The following ACTR3B variants were observed in gnomAD, a reference collection of about 807,000 sequenced individuals.
ACTR3B encodes the protein actin-related protein 3B.
ACTR3B carries 8 observed loss-of-function variants against 59.0 expected under a neutral mutation model. That is an observed-to-expected ratio of 0.14 (90% CI 0.08 to 0.24). ACTR3B has a LOEUF of 0.24. ACTR3B is among the 10% of genes least tolerant of loss of function. The pLI is 1.00. For missense variants in ACTR3B, 245 were observed against 552.3 expected (o/e 0.44, Z 5.58); for synonymous variants, 148 against 197.9 (o/e 0.75, Z 2.12).
chr7:152,829,044 G>GTGTATA (rs1554449533), intron 9 of ACTR3B, among the ~76,000 whole-genome samples: 25 of 143,912 alleles, frequency 1.7e-4, no homozygotes, highest in Non-Finnish European at 3.0e-4. Flanking sequence ...GTGTGTGTGT[G>GTGTATA]TATATATATA....
chr7:152,847,807 T>C (rs1444274438), intron 9 of ACTR3B, among the ~76,000 whole-genome samples: 1 of 152,140 alleles, frequency 6.6e-6, no homozygotes, highest in Non-Finnish European at 1.5e-5. Flanking sequence ...GAGGCCCAGC[T>C]TTTTCTGACA....
chr7:152,797,426 GT>G (rs1243549733), intron 2 of ACTR3B, among the ~76,000 whole-genome samples: 1 of 152,092 alleles, frequency 6.6e-6, no homozygotes, highest in African/African-American at 2.4e-5. Context: ...AACATTGTGT[GT>G]TTTTATCGTG....
At chr7:152,773,264 A>G (rs1020113630) in intron 1 of ACTR3B, among the ~76,000 whole-genome samples, 21 of 151,818 alleles carry the variant, frequency 1.4e-4, no homozygotes, top group African/African-American at 5.1e-4. Context: ...TTCATTCAGA[A>G]AGTAAAAGGT....
chr7:152,787,528 G>C (rs1228757650), intron 2 of ACTR3B, among the ~76,000 whole-genome samples: 1 of 151,528 alleles, frequency 6.6e-6, no homozygotes, highest in African/African-American at 2.4e-5. Flanking sequence ...AAGTCATAAA[G>C]ACTTTCTATA....
At chr7:152,852,285 G>A (rs756221022) in intron 10 of ACTR3B, 34 bp downstream of exon 10, 3 of 1,577,090 alleles carry the variant, frequency 1.9e-6, no homozygotes, top group Non-Finnish European at 2.6e-6. Context: ...AGTGCCTGGG[G>A]CTATTGCCCC....
chr7:152,769,157 A>G (rs993846061), intron 1 of ACTR3B, among the ~76,000 whole-genome samples: 6 of 151,716 alleles, frequency 4.0e-5, no homozygotes, highest in African/African-American at 1.5e-4. Context: ...CTGGGCTCAC[A>G]TTTTTGTGTG....
intron 9 of ACTR3B, among the ~76,000 whole-genome samples, chr7:152,829,194 C>A (rs545831384): frequency 3.9e-5 from 6 of 152,072 alleles, no homozygotes; most frequent in Non-Finnish European, 8.8e-5. Flanking sequence ...CCTCACACAG[C>A]TACCTTTTTC....
intron 6 of ACTR3B, among the ~76,000 whole-genome samples, chr7:152,819,320 CG>C (rs1795966596): frequency 6.6e-6 from 1 of 152,172 alleles, no homozygotes; most frequent in South Asian, 2.1e-4. Flanking sequence ...ATGAAGTCAG[CG>C]TTTCACTTCT....
At chr7:152,808,587 C>A (rs1158142607) in intron 4 of ACTR3B, among the ~76,000 whole-genome samples, 1 of 152,210 alleles carries the variant, frequency 6.6e-6, no homozygotes, top group Non-Finnish European at 1.5e-5. Context: ...CAGCTCTTTG[C>A]TGGGAGGCAA....
intron 9 of ACTR3B, among the ~76,000 whole-genome samples, chr7:152,840,831 AGGGCCG>A (rs1318937690): frequency 6.5e-5 from 1 of 15,306 alleles, no homozygotes; most frequent in Non-Finnish European, 1.6e-4. Flanking sequence ...AGGACGGCTT[AGGGCCG>A]GGCGGTTCAG....
At position 152,759,906 on chromosome 7, in the gene ACTR3B, C is replaced by T. The variant is rs1590171896; in HGVS notation, c.24C>T (p.Cys8=). ...GCATGGCAGGCTCCCTGCCTCCCTG[C>T]GTGGTGGACTGTGGCACCGGGTAAG... MAGSLPP[C]VVDCGTGYTK... The change falls in exon 1 of 12, where the codon TGC becomes TGT. Residue 8 remains cysteine, a synonymous_variant. Coordinates refer to ENST00000256001, the MANE Select transcript of ACTR3B (RefSeq NM_020445.6). 3.6e-6 allele frequency: 5 copies of T among 1,388,090 alleles called. No homozygotes were observed. The highest frequency in any genetic ancestry group is 5.0e-4 in the Middle Eastern group (2 of 3,988). 86.0% of individuals were successfully genotyped at this position (1,388,090 alleles called of 1,614,324 possible).
chr7:152,771,043 A>G (rs1417158010), intron 1 of ACTR3B, among the ~76,000 whole-genome samples: 2 of 150,346 alleles, frequency 1.3e-5, no homozygotes, highest in Non-Finnish European at 3.0e-5. Flanking sequence ...GGCTTACTGC[A>G]ACCTCTGCCT....
At chr7:152,801,297 T>C (rs2689446) in intron 3 of ACTR3B, among the ~76,000 whole-genome samples, 90,127 of 150,218 alleles carry the variant, frequency 0.6, 28,161 homozygotes, top group East Asian at 0.76. Context: ...CCTGGCTGGT[T>C]TTGAACTCCT....
intron 2 of ACTR3B, among the ~76,000 whole-genome samples, chr7:152,798,298 A>G (rs1358397865): frequency 5.3e-5 from 8 of 151,922 alleles, no homozygotes; most frequent in Non-Finnish European, 1.0e-4. Context: ...GATGTTGAGC[A>G]TTTTTTCATA....
intron 2 of ACTR3B, among the ~76,000 whole-genome samples, chr7:152,789,086 GCCCTTACA>G (rs776177703): frequency 1.1e-3 from 154 of 142,158 alleles, no homozygotes; most frequent in Non-Finnish European, 1.9e-3. Context: ...CAACAACAAA[GCCCTTACA>G]CTCGTACACA....
At chr7:152,853,406 G>A in intron 10 of ACTR3B, 88 bp from the exon 11 acceptor site, 2 of 1,216,370 alleles carry the variant, frequency 1.6e-6, no homozygotes, top group South Asian at 2.5e-5. Context: ...GGCGGCCCTG[G>A]GTGCAGCTGT....
intron 1 of ACTR3B, among the ~76,000 whole-genome samples, chr7:152,765,693 T>C (rs1448106394): frequency 1.3e-5 from 2 of 152,020 alleles, no homozygotes; most frequent in Non-Finnish European, 2.9e-5. Context: ...AGGCTTTTGG[T>C]CTCCCTGGGA....
At chr7:152,826,034 G>A (rs1031255566) in intron 9 of ACTR3B, among the ~76,000 whole-genome samples, 5 of 152,036 alleles carry the variant, frequency 3.3e-5, no homozygotes, top group Admixed American at 6.5e-5. Flanking sequence ...TGAGTGAGTC[G>A]CGCCGTCAGC....
chr7:152,853,803 G>A (rs1183708916), intron 11 of ACTR3B, among the ~76,000 whole-genome samples: 3 of 152,090 alleles, frequency 2.0e-5, no homozygotes, highest in African/African-American at 7.2e-5. Context: ...TGCAACCTCC[G>A]CCTCCCGGGT....
Sources: allele counts gnomAD v4.1 joint callset (sites outside exome capture counted in the v4.1 genomes callset), GRCh38; gene constraint gnomAD v4.1.1; transcripts MANE v1.5; gene names NCBI Gene and HGNC (gene_info 2026-07-23, HGNC 2026-07-21).